SPOCK1: variants seen among roughly 807,000 people sequenced by gnomAD.
SPOCK1 encodes the protein SPARC (osteonectin), cwcv and kazal like domains proteoglycan 1, also known as testican-1.
Under a neutral mutation model 55.3 loss-of-function variants are expected in SPOCK1, and 23 were observed. That is an observed-to-expected ratio of 0.42 (90% CI 0.30 to 0.59). The LOEUF (loss-of-function observed/expected upper bound fraction) is 0.59, where lower values mean the gene tolerates loss of function less well. Ranked by LOEUF, SPOCK1 falls within the 20% of genes least tolerant of loss-of-function variation. SPOCK1 has a pLI of 0.22. For missense variants in SPOCK1, 499 were observed against 552.5 expected, an observed-to-expected ratio of 0.90 and a Z score of 0.97; for synonymous variants, 226 against 221.0, an observed-to-expected ratio of 1.02 and a Z score of -0.20.
At chr5:137,425,370 T>A (rs1561532636) in intron 2 of SPOCK1, among the ~76,000 whole-genome samples, 1 of 152,154 alleles carries the variant, frequency 6.6e-6, no homozygotes, top group Non-Finnish European at 1.5e-5. Context: ...CTCCCATGTG[T>A]GGCTTTTCAT....
At chr5:137,079,534 C>CCCGCG (rs70979527) in intron 5 of SPOCK1, among the ~76,000 whole-genome samples, 2 of 24,676 alleles carry the variant, frequency 8.1e-5, no homozygotes, top group East Asian at 2.9e-3. Flanking sequence ...CCATCTGATT[C>CCCGCG]CCCCCCCCCC....
rs749697487 is a variant in SPOCK1 at position 137,498,535 on chromosome 5, C to G, written c.24G>C (p.Ala8=). Residue 8 remains alanine (A), a synonymous_variant, in exon 2 of 11, where the codon GCG becomes GCC. Coordinates refer to ENST00000394945, the MANE Select transcript of SPOCK1 (RefSeq NM_004598.4). The part of the protein sequence containing the change: MPAIAVL[A]AAAAAWCFLQ... ...GGAAGCACCACGCCGCGGCGGCCGC[C>G]GCCAACACCGCGATCGCCGGCATCT... The G allele has an allele frequency of 1.0e-5, 16 of 1,537,242 alleles. No homozygotes were observed. The highest frequency in any genetic ancestry group is 7.8e-5 in the Admixed American group (4 of 51,094).
intron 2 of SPOCK1, among the ~76,000 whole-genome samples, chr5:137,418,884 GT>G (rs1429035529): frequency 6.6e-6 from 1 of 152,198 alleles, no homozygotes; most frequent in Non-Finnish European, 1.5e-5. Flanking sequence ...CCATGCCTAT[GT>G]CCTGAATGGT....
At chr5:137,266,910 C>A in intron 3 of SPOCK1, 100 bp downstream of exon 3, 1 of 1,004,946 alleles carries the variant, frequency 1.0e-6, no homozygotes, top group Non-Finnish European at 1.5e-6. Flanking sequence ...AATAACACCG[C>A]TAGCTGGCCC....
chr5:137,365,670 T>A (rs570528625), intron 2 of SPOCK1, among the ~76,000 whole-genome samples: 1 of 152,300 alleles, frequency 6.6e-6, no homozygotes, highest in South Asian at 2.1e-4. Context: ...ATGTTAATCA[T>A]TCCACTCTCG....
At chr5:137,296,639 CA>C (rs1267115948) in intron 2 of SPOCK1, among the ~76,000 whole-genome samples, 9 of 152,332 alleles carry the variant, frequency 5.9e-5, no homozygotes, top group Middle Eastern at 3.4e-3. Context: ...AAGTAAATAG[CA>C]CTCATCTGTG....
intron 6 of SPOCK1, among the ~76,000 whole-genome samples, chr5:137,013,552 C>G (rs2126975919): frequency 6.6e-6 from 1 of 152,304 alleles, no homozygotes; most frequent in African/African-American, 2.4e-5. Context: ...GTCTGGGAAT[C>G]ATTTGCCTAG....
intron 2 of SPOCK1, among the ~76,000 whole-genome samples, chr5:137,356,828 T>TAGAGAGAGAG (rs1750820221): frequency 4.7e-4 from 7 of 14,912 alleles, no homozygotes; most frequent in Non-Finnish European, 3.8e-4. Context: ...TATATATATA[T>TAGAGAGAGAG]ATATATATAT....
intron 3 of SPOCK1, among the ~76,000 whole-genome samples, chr5:137,178,987 T>A (rs1294945030): frequency 6.6e-6 from 1 of 152,252 alleles, no homozygotes; most frequent in African/African-American, 2.4e-5. Flanking sequence ...AACAATGGTG[T>A]GTTGGGTAGG....
chr5:137,275,851 A>C (rs1757056151), intron 2 of SPOCK1, among the ~76,000 whole-genome samples: 1 of 152,118 alleles, frequency 6.6e-6, no homozygotes, highest in East Asian at 1.9e-4. Context: ...TTCAGGCAAC[A>C]ACGAAGTCAT....
At chr5:137,002,964 T>G (rs1488437444) in intron 6 of SPOCK1, among the ~76,000 whole-genome samples, 1 of 152,190 alleles carries the variant, frequency 6.6e-6, no homozygotes, top group Non-Finnish European at 1.5e-5. Context: ...GAGGCAAGAA[T>G]TGAACTGAGG....
At chr5:137,471,959 C>T (rs912818594) in intron 2 of SPOCK1, among the ~76,000 whole-genome samples, 7 of 152,106 alleles carry the variant, frequency 4.6e-5, no homozygotes, top group Admixed American at 2.0e-4. Context: ...AGGTAGACTG[C>T]GCAGGAGAGG....
intron 2 of SPOCK1, among the ~76,000 whole-genome samples, chr5:137,401,310 T>TA (rs1751971417): frequency 6.6e-6 from 1 of 152,166 alleles, no homozygotes. Context: ...AAATGATAGC[T>TA]AATAAAAGCT....
chr5:137,052,764 A>G (rs1580726775), intron 6 of SPOCK1, among the ~76,000 whole-genome samples: 2 of 152,222 alleles, frequency 1.3e-5, no homozygotes, highest in African/African-American at 4.8e-5. Flanking sequence ...AGCTAATAGT[A>G]AAGATTTTTA....
intron 3 of SPOCK1, among the ~76,000 whole-genome samples, chr5:137,210,921 C>T (rs1307639111): frequency 2.0e-5 from 3 of 152,206 alleles, no homozygotes; most frequent in Non-Finnish European, 4.4e-5. Context: ...TCCCCCAGTA[C>T]TCTGTCCAAA....
At chr5:137,095,351 C>G (rs944613217) in intron 5 of SPOCK1, among the ~76,000 whole-genome samples, 3 of 149,466 alleles carry the variant, frequency 2.0e-5, no homozygotes, top group African/African-American at 7.6e-5. Context: ...GTAAAAAAAA[C>G]CTTAGTATCT....
chr5:137,038,910 C>T (rs908362170), intron 6 of SPOCK1, among the ~76,000 whole-genome samples: 2 of 152,058 alleles, frequency 1.3e-5, no homozygotes, highest in African/African-American at 4.8e-5. Flanking sequence ...ACTATATGTC[C>T]GGCATATAGT....
intron 2 of SPOCK1, among the ~76,000 whole-genome samples, chr5:137,401,035 AG>A (rs1751964171): frequency 6.6e-6 from 1 of 151,924 alleles, no homozygotes; most frequent in African/African-American, 2.4e-5. Flanking sequence ...CAGTGCACAG[AG>A]AGGGCCTGTC....
intron 2 of SPOCK1, among the ~76,000 whole-genome samples, chr5:137,374,454 C>T (rs1281675753): frequency 6.6e-6 from 1 of 152,196 alleles, no homozygotes; most frequent in Non-Finnish European, 1.5e-5. Flanking sequence ...CTGCCATTCC[C>T]ATGATGAGCG....
Sources: allele counts gnomAD v4.1 joint callset (sites outside exome capture counted in the v4.1 genomes callset), GRCh38; gene constraint gnomAD v4.1.1; transcripts MANE v1.5; gene names NCBI Gene and HGNC (gene_info 2026-07-23, HGNC 2026-07-21).